Variants in RAI14 observed in about 807,000 individuals in gnomAD.
RAI14 encodes retinoic acid induced 14.
Under a neutral mutation model 115.4 loss-of-function variants are expected in RAI14, and 45 were observed. That is an observed-to-expected ratio of 0.39 (90% confidence interval 0.31 to 0.50). The LOEUF (loss-of-function observed/expected upper bound fraction) is 0.50, where lower values mean the gene tolerates loss of function less well. Ranked by LOEUF, RAI14 falls within the 20% of genes least tolerant of loss-of-function variation. The pLI is 0.85. For synonymous variants in RAI14, 371 were observed against 415.4 expected, an observed-to-expected ratio of 0.89 and a Z score of 1.30; for missense variants, 939 against 1,131.2, an observed-to-expected ratio of 0.83 and a Z score of 2.44.
At chr5:34,754,089 G>A (rs1426683580) in intron 2 of RAI14, among the ~76,000 whole-genome samples, 15 of 148,614 alleles carry the variant, frequency 1.0e-4, no homozygotes, top group Admixed American at 1.3e-4. Context: ...TCAAAAGAAA[G>A]AAAAAAAAAA....
chr5:34,773,358 T>C lies in RAI14; in HGVS notation c.167+15760T>C, dbSNP rs117676529. On this transcript the variant is annotated intron_variant, in intron 3 of 17. Transcript: ENST00000265109. ...TCAAAACATTGGTCTAGGCAAAGAT[T>C]TCATTGCTAAGACCTCAAAAGCGTA... 3.7e-4 allele frequency among the ~76,000 whole-genome samples: 56 copies of C among 152,284 alleles called. No homozygotes were observed. The East Asian group carries it at 0.01, about 27-fold the overall frequency.
At chr5:34,768,715 G>T (rs1454603381) in intron 3 of RAI14, among the ~76,000 whole-genome samples, 6 of 152,166 alleles carry the variant, frequency 3.9e-5, no homozygotes, top group African/African-American at 1.4e-4. Context: ...GGCCCCGGGT[G>T]CGGTGATTCA....
rs984112611 is a variant in RAI14 at position 34,822,256 on chromosome 5, A to G, written c.1113+406A>G. The stretch of plus-strand genomic sequence containing the variant: ...TATATATGTATGTGTGTATGTATAT[A>G]TATATATATATATATATAAAATATT... On this transcript the variant is annotated intron_variant, in intron 14 of 17. Transcript: ENST00000265109. Among the ~76,000 whole-genome samples the G allele has an allele frequency of 6.2e-5, 9 of 145,428 alleles. No individual in the cohort carries two copies. In the East Asian group the frequency reaches 9.8e-4, roughly 16 times the overall value.
chr5:34,790,114 G>A (rs183395038), intron 3 of RAI14, among the ~76,000 whole-genome samples: 100 of 152,338 alleles, frequency 6.6e-4, no homozygotes, highest in Non-Finnish European at 1.2e-3. Flanking sequence ...GAAGTTCATA[G>A]TGTGGTTTTC....
In RAI14 at chr5:34,717,325, G is replaced by A. The variant is rs1742119846; in HGVS notation, c.36+30370G>A. On this transcript the variant is annotated intron_variant, in intron 2 of 17. Coordinates refer to ENST00000265109, the MANE Select transcript of RAI14 (RefSeq NM_015577.3). ...CTTCTTTCCTCATTTAACCAGAGCT[G>A]AACAGCTTACAAGTAGAAATCATGG... Among the ~76,000 whole-genome samples the A allele has an allele frequency of 2.0e-5, 3 of 152,316 alleles. No homozygotes were observed. The South Asian group carries it at 6.2e-4, about 32-fold the overall frequency.
At chr5:34,702,019 G>C (rs980498183) in intron 2 of RAI14, among the ~76,000 whole-genome samples, 4 of 151,946 alleles carry the variant, frequency 2.6e-5, no homozygotes, top group Non-Finnish European at 5.9e-5. Flanking sequence ...TCACCATGTT[G>C]CCCAGGCTGG....
At chr5:34,689,101 A>G (rs1033349077) in intron 2 of RAI14, among the ~76,000 whole-genome samples, 6 of 152,140 alleles carry the variant, frequency 3.9e-5, no homozygotes, top group Admixed American at 3.3e-4. Flanking sequence ...TGGAAAGTCT[A>G]TTTTAAGAAA....
At chr5:34,671,474 G>A (rs1014513407) in intron 1 of RAI14, among the ~76,000 whole-genome samples, 11 of 152,148 alleles carry the variant, frequency 7.2e-5, no homozygotes, top group South Asian at 2.1e-4. Flanking sequence ...AGCTGGGAGC[G>A]TATACATTTT....
At chr5:34,786,104 C>T (rs1041264432) in intron 3 of RAI14, among the ~76,000 whole-genome samples, 26 of 152,230 alleles carry the variant, frequency 1.7e-4, no homozygotes, top group Admixed American at 2.0e-4. Context: ...GGTGAGGGAA[C>T]GGCCTAAGCC....
chr5:34,811,592 A>AG (rs1411640720), intron 8 of RAI14, among the ~76,000 whole-genome samples, 175 bp from the exon 9 acceptor site: 4 of 151,990 alleles, frequency 2.6e-5, no homozygotes, highest in African/African-American at 9.7e-5. Context: ...TAAAAAAAAA[A>AG]AAAACCACCT....
intron 2 of RAI14, among the ~76,000 whole-genome samples, chr5:34,693,719 C>T (rs916245571): frequency 3.3e-5 from 5 of 152,160 alleles, no homozygotes; most frequent in Non-Finnish European, 5.9e-5. Flanking sequence ...CGCATGCTGT[C>T]AACCGCAGCA....
intron 2 of RAI14, among the ~76,000 whole-genome samples, chr5:34,703,273 C>A (rs1740306521): frequency 6.6e-6 from 1 of 152,180 alleles, no homozygotes; most frequent in Non-Finnish European, 1.5e-5. Flanking sequence ...AACACCTCTT[C>A]TTAGAAATAC....
chr5:34,708,694 T>C (rs1579980550), intron 2 of RAI14, among the ~76,000 whole-genome samples: 1 of 152,204 alleles, frequency 6.6e-6, no homozygotes, highest in East Asian at 1.9e-4. Context: ...TTTTGCCAAG[T>C]TATAACAGTG....
intron 2 of RAI14, among the ~76,000 whole-genome samples, chr5:34,715,789 C>T (rs1013255141): frequency 5.9e-5 from 9 of 152,196 alleles, no homozygotes; most frequent in African/African-American, 2.2e-4. Flanking sequence ...GGGGATTTCA[C>T]TGCTCATTCT....
intron 3 of RAI14, among the ~76,000 whole-genome samples, chr5:34,761,389 T>A (rs1181918919): frequency 6.6e-6 from 1 of 152,162 alleles, no homozygotes; most frequent in Non-Finnish European, 1.5e-5. Flanking sequence ...GTTTTTGTAA[T>A]GATGGGGTCT....
At chr5:34,744,599 G>A (rs1257089795) in intron 2 of RAI14, among the ~76,000 whole-genome samples, 1 of 152,158 alleles carries the variant, frequency 6.6e-6, no homozygotes, top group Non-Finnish European at 1.5e-5. Flanking sequence ...GCAGTGATAA[G>A]AGCATTGGAG....
chr5:34,701,357 TA>T (rs1020429826), intron 2 of RAI14, among the ~76,000 whole-genome samples: 2 of 152,234 alleles, frequency 1.3e-5, no homozygotes, highest in African/African-American at 2.4e-5. Context: ...GAATCTCTGT[TA>T]ACATAGTTAC....
At chr5:34,758,348 A>C (rs993622572) in intron 3 of RAI14, among the ~76,000 whole-genome samples, 1 of 152,192 alleles carries the variant, frequency 6.6e-6, no homozygotes, top group African/African-American at 2.4e-5. Flanking sequence ...AAGTGCAAGT[A>C]GTTTTATATC....
intron 1 of RAI14, among the ~76,000 whole-genome samples, chr5:34,658,090 TCTC>T (rs1217994184): frequency 6.6e-6 from 1 of 152,204 alleles, no homozygotes; most frequent in Non-Finnish European, 1.5e-5. Context: ...ACAGTTTTCA[TCTC>T]CATTCACTGA....
Sources: gnomAD v4.1 joint callset for allele counts (sites outside exome capture counted in the v4.1 genomes callset) on GRCh38, gnomAD v4.1.1 for gene constraint, MANE v1.5 for transcripts, NCBI Gene and HGNC (gene_info 2026-07-23, HGNC 2026-07-21) for gene names.